Variants in HS3ST5 observed in about 807,000 individuals in gnomAD.
HS3ST5 encodes the protein heparan sulfate-glucosamine 3-sulfotransferase 5.
HS3ST5 carries 10 observed loss-of-function variants against 25.4 expected under a neutral mutation model. The ratio of observed to expected loss-of-function variants is 0.39; its 90% confidence interval spans 0.24 to 0.67. The LOEUF (loss-of-function observed/expected upper bound fraction) is 0.67, where lower values mean the gene tolerates loss of function less well. HS3ST5 is among the 30% of genes least tolerant of loss of function. HS3ST5 has a pLI of 0.44. For synonymous variants in HS3ST5, 170 were observed against 162.4 expected (o/e 1.05, Z -0.36); for missense variants, 324 against 420.7 (o/e 0.77, Z 2.01).
chr6:114,084,205 G>T lies in HS3ST5; in HGVS notation c.-32-21328C>A, dbSNP rs1774638219. The T allele has an allele frequency of 9.2e-6, 10 of 1,092,632 alleles. No individual in the cohort carries two copies. In the South Asian group the frequency reaches 1.1e-4, roughly 12 times the overall value. 67.7% of individuals were successfully genotyped at this position (1,092,632 alleles called of 1,614,324 possible). On this transcript the variant is annotated intron_variant, in intron 3 of 4. Transcript: ENST00000312719. The stretch of plus-strand genomic sequence containing the variant: ...AGTGGTTGCTCCTATCCATTCAGTG[G>T]CCTGAGCAATGGGAGCTGCAGACCA...
chr6:114,257,236 G>A (rs987391392), intron 1 of HS3ST5, among the ~76,000 whole-genome samples: 1 of 152,156 alleles, frequency 6.6e-6, no homozygotes, highest in East Asian at 1.9e-4. Context: ...GTAGGCTAAG[G>A]AAAGAGGGGA....
chr6:114,190,584 G>A (rs1379346604), intron 2 of HS3ST5, among the ~76,000 whole-genome samples: 1 of 152,192 alleles, frequency 6.6e-6, no homozygotes, highest in Non-Finnish European at 1.5e-5. Context: ...ACAGAGTGCA[G>A]TGCCAAGGAT....
At chr6:114,267,177 A>C (rs1773440859) in intron 1 of HS3ST5, among the ~76,000 whole-genome samples, 1 of 152,230 alleles carries the variant, frequency 6.6e-6, no homozygotes, top group African/African-American at 2.4e-5. Flanking sequence ...TTTAATAATG[A>C]TAAGAATGGA....
Position 114,319,873 on chromosome 6 carries a change from T to C in HS3ST5, c.-339+22322A>G, listed in dbSNP as rs143488517. Among the ~76,000 whole-genome samples the C allele has an allele frequency of 2.8e-4, 42 of 152,258 alleles. 1 individual carries two copies. The East Asian group carries it at 3.3e-3, about 12-fold the overall frequency. On this transcript the variant is annotated intron_variant, in intron 1 of 4. Transcript: ENST00000312719. ...TGATACTATTTTTTTGTTGTTGTTG[T>C]TAGTGGCTCTACTATTATCCCAATT... is the stretch of plus-strand genomic sequence containing the variant.
At chr6:114,289,072 T>C (rs1451703036) in intron 1 of HS3ST5, among the ~76,000 whole-genome samples, 1 of 152,140 alleles carries the variant, frequency 6.6e-6, no homozygotes, top group Non-Finnish European at 1.5e-5. Context: ...ATGGAATATT[T>C]GAATGGATGA....
At chr6:114,314,016 C>T (rs1044445997) in intron 1 of HS3ST5, among the ~76,000 whole-genome samples, 5 of 152,174 alleles carry the variant, frequency 3.3e-5, no homozygotes, top group East Asian at 1.9e-4. Context: ...GCCTCTGCCC[C>T]CCAGGCTCGC....
chr6:114,326,477 G>A (rs1341540679), intron 1 of HS3ST5, among the ~76,000 whole-genome samples: 1 of 152,170 alleles, frequency 6.6e-6, no homozygotes, highest in Non-Finnish European at 1.5e-5. Context: ...ACAAGTGAAA[G>A]ATATTCCTAA....
At chr6:114,234,293 G>T (rs950017364) in intron 1 of HS3ST5, among the ~76,000 whole-genome samples, 1 of 149,344 alleles carries the variant, frequency 6.7e-6, no homozygotes, top group African/African-American at 2.4e-5. Flanking sequence ...AATCTGTTAG[G>T]ATATTAGTAA....
intron 2 of HS3ST5, among the ~76,000 whole-genome samples, chr6:114,207,611 GCT>G (rs1014282465): frequency 2.0e-5 from 3 of 151,578 alleles, no homozygotes; most frequent in African/African-American, 2.4e-5. Context: ...TATAACTCAG[GCT>G]CTCTCTCTCA....
rs549894734 is a variant in HS3ST5, at chr6:114,224,919, T to C, written c.-145+3666A>G. ...TATAGTCACTTATTGGCTGGATAGA[T>C]AATAGTTGCTTCAAGAAGGGCTCTA... On this transcript the variant is annotated intron_variant, in intron 2 of 4. Transcript: ENST00000312719. Among the ~76,000 whole-genome samples, 124 of 151,854 alleles carry C rather than the reference T, an allele frequency of 8.2e-4. 1 individual carries two copies. Among genetic ancestry groups the C allele is most frequent in the African/African-American group, 2.9e-3 (121 of 41,538 alleles).
intron 3 of HS3ST5, among the ~76,000 whole-genome samples, chr6:114,071,426 A>G (rs1470416978): frequency 1.3e-5 from 2 of 152,126 alleles, no homozygotes; most frequent in South Asian, 4.1e-4. Flanking sequence ...GCTGGTTTAG[A>G]TGTTCTTCCT....
chr6:114,059,824 A>G (rs879195464), intron 4 of HS3ST5: 1 of 152,180 alleles, frequency 6.6e-6, no homozygotes, highest in Admixed American at 6.5e-5. Flanking sequence ...CACTGTGAAA[A>G]CGGACTAATA....
intron 1 of HS3ST5, among the ~76,000 whole-genome samples, chr6:114,257,510 T>C (rs1357051969): frequency 6.6e-6 from 1 of 152,108 alleles, no homozygotes; most frequent in African/African-American, 2.4e-5. Flanking sequence ...AAAATCTGGG[T>C]TCACCATTTG....
chr6:114,220,602 T>A (rs1334534727), intron 2 of HS3ST5: 3 of 152,050 alleles, frequency 2.0e-5, no homozygotes, highest in African/African-American at 7.2e-5. Flanking sequence ...GTATTTTATT[T>A]GTGCCATATA....
At chr6:114,219,703 C>G (rs749623389) in intron 2 of HS3ST5, among the ~76,000 whole-genome samples, 44 of 151,966 alleles carry the variant, frequency 2.9e-4, no homozygotes, top group Non-Finnish European at 4.4e-4. Context: ...TGCGAGAATG[C>G]TAATAATTGG....
chr6:114,167,305 C>A lies in HS3ST5; in HGVS notation c.-33+1046G>T, dbSNP rs146555439. Among the ~76,000 whole-genome samples the A allele has an allele frequency of 1.8e-3, 269 of 152,130 alleles. 1 individual carries two copies. Among genetic ancestry groups the A allele is most frequent in the African/African-American group, 6.2e-3 (258 of 41,504 alleles). On this transcript the variant is annotated intron_variant, in intron 3 of 4. Coordinates refer to ENST00000312719, the MANE Select transcript of HS3ST5 (RefSeq NM_153612.4). ...TATTTTTATCCAGGGACACAGTGTT[C>A]CTGTTTTGAGGATGGGAACAATGCA...
At chr6:114,204,970 A>G (rs1163068300) in intron 2 of HS3ST5, among the ~76,000 whole-genome samples, 1 of 152,166 alleles carries the variant, frequency 6.6e-6, no homozygotes, top group Non-Finnish European at 1.5e-5. Flanking sequence ...AGGGTATCAT[A>G]CTGGCCATGC....
intron 1 of HS3ST5, among the ~76,000 whole-genome samples, chr6:114,324,898 A>G (rs932436810): frequency 9.2e-5 from 14 of 152,236 alleles, no homozygotes; most frequent in Admixed American, 2.6e-4. Flanking sequence ...AAGGGATATT[A>G]CAGCCTAAGA....
At chr6:114,252,102 T>G (rs1056523322) in intron 1 of HS3ST5, among the ~76,000 whole-genome samples, 2 of 152,010 alleles carry the variant, frequency 1.3e-5, no homozygotes, top group Non-Finnish European at 2.9e-5. Flanking sequence ...ACTTAACTAC[T>G]CCAGGTCTTA....
Sources: gnomAD v4.1 joint callset for allele counts (sites outside exome capture counted in the v4.1 genomes callset) on GRCh38, gnomAD v4.1.1 for gene constraint, MANE v1.5 for transcripts, NCBI Gene and HGNC (gene_info 2026-07-23, HGNC 2026-07-21) for gene names.